ADGRL2: variants seen among roughly 807,000 people sequenced by gnomAD.
ADGRL2 encodes the protein adhesion G protein-coupled receptor L2, also known as calcium-independent alpha-latrotoxin receptor 2.
In ADGRL2, 44 loss-of-function variants were observed where a neutral mutation model predicts 157.4. That is an observed-to-expected ratio of 0.28 (90% CI 0.22 to 0.36). The LOEUF is 0.36. Among genes scored for constraint, ADGRL2 ranks in the 10% least tolerant of loss-of-function variants. ADGRL2 has a pLI of 1.00. For missense variants in ADGRL2, 1,510 were observed against 1,768.9 expected (o/e 0.85, Z 2.63); for synonymous variants, 585 against 624.7 (o/e 0.94, Z 0.95).
chr1:81,425,345 C>T (rs1348630050), intron 1 of ADGRL2, among the ~76,000 whole-genome samples: 3 of 152,104 alleles, frequency 2.0e-5, no homozygotes, highest in Middle Eastern at 3.4e-3. Flanking sequence ...ATTTGTGTAC[C>T]GTCTTGTAGC....
chr1:81,436,840 A>G (rs957132310), intron 1 of ADGRL2, among the ~76,000 whole-genome samples: 2 of 152,352 alleles, frequency 1.3e-5, no homozygotes, highest in Middle Eastern at 3.4e-3. Flanking sequence ...TCTTAATCAG[A>G]TACCGTATTG....
At chr1:81,502,665 G>A in intron 2 of ADGRL2, 2 of 1,613,682 alleles carry the variant, frequency 1.2e-6, no homozygotes, top group Non-Finnish European at 8.5e-7. Flanking sequence ...AGCTCAGGAC[G>A]CAGTACATGA....
At chr1:81,314,998 T>C (rs1241277161) in intron 1 of ADGRL2, among the ~76,000 whole-genome samples, 1 of 152,216 alleles carries the variant, frequency 6.6e-6, no homozygotes, top group Admixed American at 6.5e-5. Context: ...CAACCATTTG[T>C]ATGCTGACTA....
chr1:81,499,401 G>A (rs2078796578), intron 2 of ADGRL2, among the ~76,000 whole-genome samples: 1 of 152,234 alleles, frequency 6.6e-6, no homozygotes, highest in Non-Finnish European at 1.5e-5. Flanking sequence ...AATCTGCCAT[G>A]TAAGTTATTG....
chr1:81,700,287 G>A (rs1469310770), intron 1 of ADGRL2, among the ~76,000 whole-genome samples: 4 of 152,210 alleles, frequency 2.6e-5, no homozygotes, highest in Non-Finnish European at 2.9e-5. Flanking sequence ...TGGAAGAGTT[G>A]AGGAAAGCCT....
intron 2 of ADGRL2, among the ~76,000 whole-genome samples, chr1:81,844,905 G>GTGTTT (rs2150369335): frequency 6.6e-6 from 1 of 152,162 alleles, no homozygotes; most frequent in South Asian, 2.1e-4. Flanking sequence ...TTTCTTAAAA[G>GTGTTT]TGTTTTTTTT....
intron 3 of ADGRL2, among the ~76,000 whole-genome samples, chr1:81,663,221 AG>A (rs2082692184): frequency 6.6e-6 from 1 of 152,038 alleles, no homozygotes. Context: ...ACAAGCAGAG[AG>A]GAGACTAGGA....
intron 17 of ADGRL2, among the ~76,000 whole-genome samples, chr1:81,976,412 C>CATA (rs1660204030): frequency 6.6e-6 from 1 of 151,912 alleles, no homozygotes; most frequent in Non-Finnish European, 1.5e-5. Context: ...AATTTCTTTA[C>CATA]ATCTAGATAT....
chr1:81,360,830 T>C (rs1477068473), intron 1 of ADGRL2, among the ~76,000 whole-genome samples: 1 of 152,006 alleles, frequency 6.6e-6, no homozygotes, highest in Admixed American at 6.6e-5. Context: ...ATCTTTTATA[T>C]TCTTTCTTAA....
At position 81,878,014 on chromosome 1, in the gene ADGRL2, G is replaced by C. The variant is rs1035306555; in HGVS notation, c.74-29003G>C. Among the ~76,000 whole-genome samples the C allele has an allele frequency of 2.6e-5, 4 of 152,002 alleles. No homozygotes were observed. The East Asian group carries it at 7.7e-4, about 29-fold the overall frequency. On this transcript the variant is annotated intron_variant, in intron 2 of 23. Transcript: ENST00000686636. ...TATAAAAATCCATAATTTTCCATTT[G>C]TTTGCTATATTAGAATACTATGCAG...
intron 2 of ADGRL2, among the ~76,000 whole-genome samples, chr1:81,532,056 T>G (rs2079612819): frequency 6.6e-6 from 1 of 152,194 alleles, no homozygotes; most frequent in African/African-American, 2.4e-5. Flanking sequence ...AGTCATGCCT[T>G]TACAAGCTCC....
At chr1:81,526,671 G>C (rs927502770) in intron 2 of ADGRL2, among the ~76,000 whole-genome samples, 4 of 152,064 alleles carry the variant, frequency 2.6e-5, no homozygotes, top group Non-Finnish European at 5.9e-5. Flanking sequence ...GTTTTTTTAG[G>C]AATGTTTGTA....
intron 3 of ADGRL2, among the ~76,000 whole-genome samples, chr1:81,649,882 T>C (rs967016382): frequency 1.3e-5 from 2 of 152,180 alleles, no homozygotes; most frequent in South Asian, 2.1e-4. Flanking sequence ...CACTAAGGAA[T>C]GATGATCACT....
At chr1:81,877,719 C>T (rs972167641) in intron 2 of ADGRL2, among the ~76,000 whole-genome samples, 2 of 151,226 alleles carry the variant, frequency 1.3e-5, no homozygotes, top group African/African-American at 2.4e-5. Flanking sequence ...AAAAAAAAGC[C>T]TAACTTGCCT....
intron 1 of ADGRL2, among the ~76,000 whole-genome samples, chr1:81,833,570 A>G (rs765252451): frequency 2.6e-5 from 4 of 152,148 alleles, no homozygotes; most frequent in Non-Finnish European, 4.4e-5. Flanking sequence ...TTTTTTCTAC[A>G]TTTGTTAAAT....
At chr1:81,734,748 G>A (rs929059532) in intron 1 of ADGRL2, among the ~76,000 whole-genome samples, 2 of 149,338 alleles carry the variant, frequency 1.3e-5, no homozygotes, top group East Asian at 2.0e-4. Context: ...AGAGGTGTAA[G>A]TTGGCCAGGC....
At chr1:81,541,472 G>A (rs186227209) in intron 2 of ADGRL2, among the ~76,000 whole-genome samples, 3 of 152,204 alleles carry the variant, frequency 2.0e-5, no homozygotes, top group Admixed American at 6.5e-5. Flanking sequence ...CAGAGACCCT[G>A]AACTCTCACC....
chr1:81,633,080 G>A (rs1169035436), intron 3 of ADGRL2, among the ~76,000 whole-genome samples: 1 of 152,192 alleles, frequency 6.6e-6, no homozygotes, highest in Non-Finnish European at 1.5e-5. Context: ...CCTTTCATTT[G>A]TTTGATGGTT....
chr1:81,655,664 C>T (rs1359926550), intron 3 of ADGRL2, among the ~76,000 whole-genome samples: 3 of 152,084 alleles, frequency 2.0e-5, no homozygotes, highest in African/African-American at 7.2e-5. Context: ...CTCTTTCCTC[C>T]TCAGTGGTGA....
Sources: allele counts gnomAD v4.1 joint callset (sites outside exome capture counted in the v4.1 genomes callset), GRCh38; gene constraint gnomAD v4.1.1; transcripts MANE v1.5; gene names NCBI Gene and HGNC (gene_info 2026-07-23, HGNC 2026-07-21).